The following FHIP2A variants were observed in gnomAD, a reference collection of about 807,000 sequenced individuals.
The protein encoded by FHIP2A is FHF complex subunit HOOK interacting protein 2A.
FHIP2A carries 46 observed loss-of-function variants against 93.5 expected under a neutral mutation model. The observed-to-expected ratio is 0.49, with a 90% CI of 0.39 to 0.63. The LOEUF (loss-of-function observed/expected upper bound fraction) is 0.63, where lower values mean the gene tolerates loss of function less well. FHIP2A is among the 20% of genes least tolerant of loss of function. The pLI, the probability that FHIP2A is intolerant of heterozygous loss-of-function variation, is 0.00. For synonymous variants in FHIP2A, 332 were observed against 326.5 expected, an observed-to-expected ratio of 1.02 and a Z score of -0.18; for missense variants, 769 against 909.7, an observed-to-expected ratio of 0.85 and a Z score of 1.99.
chr10:114,896,359 T>C (rs1408693804), intron 16 of FHIP2A, among the ~76,000 whole-genome samples: 1 of 152,138 alleles, frequency 6.6e-6, no homozygotes, highest in Non-Finnish European at 1.5e-5. Flanking sequence ...GAATATAGGA[T>C]GGATTCTGGG....
Position 114,836,243 on chromosome 10 carries a change from A to C in FHIP2A, c.519A>C (p.Leu173=), listed in dbSNP as rs1214136584. 1 of 1,588,774 alleles carries C rather than the reference A, an allele frequency of 6.3e-7. No individual in the cohort carries two copies. The highest frequency in any genetic ancestry group is 1.7e-5 in the Admixed American group (1 of 59,388). ...ACCCCTACCTGGTTAACTTTTTCCT[A>C]GAGGTATGATACACTTTTTATCAAC... ...KQDPYLVNFF[L]ENKMKSLASK... The change falls in exon 5 of 17, where the codon CTA becomes CTC. Residue 173 remains leucine (L), a synonymous_variant. Transcript: ENST00000369248.
Position 114,861,684 on chromosome 10 carries a change from T to C in FHIP2A, c.*144T>C. ...ACTGGACAGAACCATTAAGAACCTA[T>C]TGAGTGGACATTCTTGGTGAAATGT... On this transcript the variant is annotated 3_prime_UTR_variant, in exon 17 of 17. Coordinates refer to ENST00000369248, the MANE Select transcript of FHIP2A (RefSeq NM_020940.4). The C allele has an allele frequency of 1.4e-6, 2 of 1,425,108 alleles. No homozygotes were observed. Among genetic ancestry groups the C allele is most frequent in the Non-Finnish European group, 1.8e-6 (2 of 1,094,858 alleles). The allele number at this position is 1,425,108 out of a possible 1,614,324, so 88.3% of individuals were successfully genotyped here. A position where few individuals can be genotyped will look rare whatever the true frequency, so the allele number is the denominator to read the frequency against.
At chr10:114,831,567 GA>G (rs2083608282) in intron 2 of FHIP2A, among the ~76,000 whole-genome samples, 1 of 152,126 alleles carries the variant, frequency 6.6e-6, no homozygotes, top group Admixed American at 6.5e-5. Context: ...CAATTATGGG[GA>G]AAACACATTT....
chr10:114,841,500 C>G (rs1048284771), intron 5 of FHIP2A, among the ~76,000 whole-genome samples: 8 of 152,004 alleles, frequency 5.3e-5, no homozygotes, highest in Non-Finnish European at 8.8e-5. Flanking sequence ...CCATGTTGGC[C>G]AGGCTGGTCT....
Position 114,824,665 on chromosome 10 carries a change from G to C in FHIP2A, c.45+2542G>C, listed in dbSNP as rs375612181. On this transcript the variant is annotated intron_variant, in intron 1 of 16. Transcript: ENST00000369248. Reference sequence around the variant, plus strand: ...ATGAATAAGCCATCCTTGTGTATTTGGATAGTTTTTTCGTAGCCCAAGGTT... The same window carrying C: ...ATGAATAAGCCATCCTTGTGTATTTCGATAGTTTTTTCGTAGCCCAAGGTT... Among the ~76,000 whole-genome samples, 17 of 152,244 alleles carry C rather than the reference G, an allele frequency of 1.1e-4. No homozygotes were observed. In the East Asian group the frequency reaches 1.5e-3, roughly 14 times the overall value.
chr10:114,872,396 A>G (rs1453461338), intron 16 of FHIP2A, among the ~76,000 whole-genome samples: 1 of 152,186 alleles, frequency 6.6e-6, no homozygotes, highest in Non-Finnish European at 1.5e-5. Flanking sequence ...TTTACATTGT[A>G]ATTTTATAAC....
chr10:114,847,245 T>G lies in FHIP2A; in HGVS notation c.1712+12T>G. On this transcript the variant is annotated intron_variant, in intron 12 of 16. Coordinates refer to ENST00000369248, the MANE Select transcript of FHIP2A (RefSeq NM_020940.4). ...AAAATTGTAAATAGGTGAGTTGCTATATAAAATTTGACTTCCATCTCTCTT... is the reference window on the plus strand; with the variant it reads ...AAAATTGTAAATAGGTGAGTTGCTAGATAAAATTTGACTTCCATCTCTCTT... The G allele has an allele frequency of 1.3e-6, 2 of 1,591,032 alleles. No individual in the cohort carries two copies. Among genetic ancestry groups the G allele is most frequent in the Non-Finnish European group, 1.7e-6 (2 of 1,173,338 alleles).
In FHIP2A at chr10:114,846,225, G is replaced by A. The variant is rs763455649; in HGVS notation, c.1256G>A (p.Arg419Gln). ...ACTGCTCTGCTTCATCGCATCGTTCGGCAAGTGACCTCTGATGTTTTGCTT... is the reference window on the plus strand; with the variant it reads ...ACTGCTCTGCTTCATCGCATCGTTCAGCAAGTGACCTCTGATGTTTTGCTT... ...TSTALLHRIV[R>Q]QVTSDVLLQE... Residue 419 changes from arginine (R) to glutamine (Q), a missense_variant, in exon 10 of 17, where the codon CGG (arginine) becomes CAG (glutamine). By Grantham distance (43) the Arg-to-Gln change is conservative. Transcript: ENST00000369248. 3 of 1,614,106 alleles carry A rather than the reference G, an allele frequency of 1.9e-6. No homozygotes were observed. The highest frequency in any genetic ancestry group is 2.2e-5 in the East Asian group (1 of 44,874).
At chr10:114,836,762 A>C (rs2083638907) in intron 5 of FHIP2A, among the ~76,000 whole-genome samples, 1 of 152,030 alleles carries the variant, frequency 6.6e-6, no homozygotes, top group Admixed American at 6.6e-5. Context: ...TTTGGATTTT[A>C]CTCCTAGATT....
chr10:114,826,521 C>G (rs1001470145), intron 1 of FHIP2A, among the ~76,000 whole-genome samples: 1 of 152,148 alleles, frequency 6.6e-6, no homozygotes, highest in African/African-American at 2.4e-5. Flanking sequence ...AAAAGTCAAC[C>G]ATTATTGTCA....
At chr10:114,875,732 GAGAGAA>G (rs2083882063) in intron 16 of FHIP2A, among the ~76,000 whole-genome samples, 1 of 143,798 alleles carries the variant, frequency 7.0e-6, no homozygotes, top group African/African-American at 2.7e-5. Flanking sequence ...GAAAGAAAGA[GAGAGAA>G]AGAAAGAAAG....
chr10:114,845,583 T>G, intron 8 of FHIP2A, 102 bp downstream of exon 8: 1 of 698,158 alleles, frequency 1.4e-6, no homozygotes, highest in Admixed American at 2.8e-5. Context: ...TTAATTGTCT[T>G]AGAATACCAT....
intron 16 of FHIP2A, among the ~76,000 whole-genome samples, chr10:114,876,438 C>T (rs1194518055): frequency 6.6e-6 from 1 of 152,188 alleles, no homozygotes; most frequent in Non-Finnish European, 1.5e-5. Context: ...ACATCACCTC[C>T]CCGAGCCTCA....
chr10:114,859,741 A>G (rs999011931), intron 14 of FHIP2A, among the ~76,000 whole-genome samples: 2 of 152,236 alleles, frequency 1.3e-5, no homozygotes, highest in East Asian at 1.9e-4. Context: ...TTAGAATTCA[A>G]GTAAAATCAC....
intron 16 of FHIP2A, among the ~76,000 whole-genome samples, chr10:114,871,237 T>G (rs2083858543): frequency 6.6e-6 from 1 of 151,860 alleles, no homozygotes; most frequent in South Asian, 2.1e-4. Flanking sequence ...ACTGCAACCT[T>G]GAACTCCTGG....
rs992447626 is a variant in FHIP2A, at chr10:114,862,337, G to A, written c.*797G>A. On this transcript the variant is annotated 3_prime_UTR_variant, in exon 17 of 17. Transcript: ENST00000369248. ...TGTATTTTTTTAAGCTAAGTAACATGTACTGGGTTGAGAACCTTTTTCCCC... is the reference window on the plus strand; with the variant it reads ...TGTATTTTTTTAAGCTAAGTAACATATACTGGGTTGAGAACCTTTTTCCCC... 16 of 987,238 alleles carry A rather than the reference G, an allele frequency of 1.6e-5. No individual in the cohort carries two copies. The African/African-American group carries it at 2.4e-4, about 15-fold the overall frequency. The allele number at this position is 987,238 out of a possible 1,614,324, so 61.2% of individuals were successfully genotyped here. A position where few individuals can be genotyped will look rare whatever the true frequency, so the allele number is the denominator to read the frequency against.
At chr10:114,840,445 T>C (rs1431860405) in intron 5 of FHIP2A, among the ~76,000 whole-genome samples, 2 of 152,200 alleles carry the variant, frequency 1.3e-5, no homozygotes, top group East Asian at 3.8e-4. Context: ...ATTAACTATT[T>C]TTGAGCAGGG....
intron 13 of FHIP2A, among the ~76,000 whole-genome samples, chr10:114,849,127 CAAAAAAAAAAAAAAAAA>C (rs34515682): frequency 2.0e-5 from 1 of 50,410 alleles, no homozygotes; most frequent in African/African-American, 7.9e-5. Context: ...GACTCCATCT[CAAAAAAAAAAAAAAAAA>C]AAAAAAAAAA....
At chr10:114,837,280 T>C (rs573360914) in intron 5 of FHIP2A, among the ~76,000 whole-genome samples, 13 of 152,254 alleles carry the variant, frequency 8.5e-5, no homozygotes, top group Non-Finnish European at 1.3e-4. Context: ...TTTGGGAGGC[T>C]GGTGCAGGTG....
Sources: gnomAD v4.1 joint callset for allele counts (sites outside exome capture counted in the v4.1 genomes callset) on GRCh38, gnomAD v4.1.1 for gene constraint, MANE v1.5 for transcripts, NCBI Gene and HGNC (gene_info 2026-07-23, HGNC 2026-07-21) for gene names.